The following RAB38 variants were observed in gnomAD, a reference collection of about 807,000 sequenced individuals.
The protein encoded by RAB38 is ras-related protein Rab-38.
Under a neutral mutation model 18.4 loss-of-function variants are expected in RAB38, and 15 were observed. The observed-to-expected ratio is 0.82, with a 90% CI of 0.55 to 1.26. The LOEUF (loss-of-function observed/expected upper bound fraction) is 1.26. RAB38 is among the 50% of genes most tolerant of loss of function. The pLI, the probability that RAB38 is intolerant of heterozygous loss-of-function variation, is 0.00. For missense variants in RAB38, 294 were observed against 267.4 expected, an observed-to-expected ratio of 1.10 and a Z score of -0.69; for synonymous variants, 101 against 104.4, an observed-to-expected ratio of 0.97 and a Z score of 0.20.
the RAB38 span, among the ~76,000 whole-genome samples, chr11:87,819,658 G>T: frequency 6.8e-6 from 1 of 146,954 alleles, no homozygotes; most frequent in African/African-American, 2.5e-5. Flanking sequence ...AGGATCTCTT[G>T]GATATATATA....
chr11:87,871,609 G>A, the RAB38 span, among the ~76,000 whole-genome samples: 2 of 151,418 alleles, frequency 1.3e-5, no homozygotes, highest in Non-Finnish European at 3.0e-5. Flanking sequence ...TAAGTATGTA[G>A]ATAAATGATT....
intron 2 of RAB38, chr11:88,115,516 T>C (rs1942538438): frequency 6.6e-6 from 1 of 152,256 alleles, no homozygotes; most frequent in Non-Finnish European, 1.5e-5. Flanking sequence ...TCACCAGCTA[T>C]GAAAGCTTAA....
At chr11:88,104,653 CTAAA>C in the RAB38 span, among the ~76,000 whole-genome samples, 1 of 152,180 alleles carries the variant, frequency 6.6e-6, no homozygotes, top group Admixed American at 6.5e-5. Context: ...AAAGTGGGCA[CTAAA>C]TAAACAGTAT....
At chr11:88,162,514 C>T (rs543546859) in intron 1 of RAB38, among the ~76,000 whole-genome samples, 1 of 152,220 alleles carries the variant, frequency 6.6e-6, no homozygotes, top group African/African-American at 2.4e-5. Flanking sequence ...CATGTCTGGT[C>T]TGTTGCATTC....
At chr11:87,875,240 C>T in the RAB38 span, among the ~76,000 whole-genome samples, 1 of 151,252 alleles carries the variant, frequency 6.6e-6, no homozygotes, top group Non-Finnish European at 1.5e-5. Flanking sequence ...AATCATTCCA[C>T]ATTATATACA....
the RAB38 span, among the ~76,000 whole-genome samples, chr11:87,822,099 G>A: frequency 1.3e-5 from 2 of 150,076 alleles, no homozygotes; most frequent in Non-Finnish European, 3.0e-5. Flanking sequence ...TTAAAACAGG[G>A]ACTAAAATAA....
the RAB38 span, among the ~76,000 whole-genome samples, chr11:88,035,568 G>A: frequency 6.6e-6 from 1 of 152,184 alleles, no homozygotes; most frequent in African/African-American, 2.4e-5. Flanking sequence ...CAAACTTGGA[G>A]TCCAATATTC....
chr11:88,126,418 G>A (rs960300475), intron 2 of RAB38, among the ~76,000 whole-genome samples: 1 of 152,142 alleles, frequency 6.6e-6, no homozygotes, highest in African/African-American at 2.4e-5. Flanking sequence ...GATGAAGCTG[G>A]AAACCATCCT....
the RAB38 span, among the ~76,000 whole-genome samples, chr11:87,806,035 C>T: frequency 2.0e-5 from 3 of 152,044 alleles, no homozygotes; most frequent in Non-Finnish European, 4.4e-5. Flanking sequence ...TGAAGTTTGA[C>T]CAAAAACTGG....
In RAB38 at chr11:88,134,924, C is replaced by T. The variant is rs557856444; in HGVS notation, c.483+14751G>A. Among the ~76,000 whole-genome samples, 3 of 152,284 alleles carry T rather than the reference C, an allele frequency of 2.0e-5. No individual in the cohort carries two copies. The East Asian group carries it at 5.8e-4, about 29-fold the overall frequency. ...ATCACCTCTCTGACCTCACCTCTAT[C>T]ACTCTGCTATTGCTCACTCTGCTCC... On this transcript the variant is annotated intron_variant, in intron 2 of 2. Coordinates refer to ENST00000243662, the MANE Select transcript of RAB38 (RefSeq NM_022337.3).
In RAB38 at chr11:88,164,260, G is replaced by GA. The variant is rs1555012963; in HGVS notation, c.202+10922_202+10923insT. ...AAATATATGCCAAGGTGCTCTCGGT[G>GA]GGGGGGGGTGCCATGGTGAACTCAC... On this transcript the variant is annotated intron_variant, in intron 1 of 2. Transcript: ENST00000243662. Among the ~76,000 whole-genome samples the GA allele has an allele frequency of 2.3e-5, 3 of 128,714 alleles. No homozygotes were observed. The East Asian group carries it at 7.1e-4, about 30-fold the overall frequency. The allele number at this position is 128,714 out of a possible 152,430, so 84.4% of individuals were successfully genotyped here. A position where few individuals can be genotyped will look rare whatever the true frequency, so the allele number is the denominator to read the frequency against.
the RAB38 span, among the ~76,000 whole-genome samples, chr11:87,956,629 CATG>C: frequency 1.3e-5 from 2 of 152,148 alleles, no homozygotes; most frequent in African/African-American, 4.8e-5. Context: ...GAGCTCAGAA[CATG>C]ATATGTGAAA....
intron 1 of RAB38, among the ~76,000 whole-genome samples, chr11:88,153,987 T>C (rs1943094934): frequency 6.6e-6 from 1 of 152,118 alleles, no homozygotes; most frequent in African/African-American, 2.4e-5. Context: ...GGAGGGAACA[T>C]GGGCAAACAG....
rs182236125 is a variant in RAB38 at position 88,124,591 on chromosome 11, C to A, written c.484-10451G>T. On this transcript the variant is annotated intron_variant, in intron 2 of 2. Transcript: ENST00000243662. ...CAAAATTCTGGCCTCAACCATAGAA[C>A]CTGTCGACCCAACCCTCACAAATTC... 4.6e-5 allele frequency among the ~76,000 whole-genome samples: 7 copies of A among 152,278 alleles called. No individual in the cohort carries two copies. The East Asian group carries it at 1.4e-3, about 29-fold the overall frequency.
At chr11:88,074,499 G>A in the RAB38 span, among the ~76,000 whole-genome samples, 1 of 152,024 alleles carries the variant, frequency 6.6e-6, no homozygotes, top group African/African-American at 2.4e-5. Context: ...TGCTATAACT[G>A]TAAGATCCTT....
At chr11:87,806,805 A>T in the RAB38 span, among the ~76,000 whole-genome samples, 1 of 152,244 alleles carries the variant, frequency 6.6e-6, no homozygotes, top group Non-Finnish European at 1.5e-5. Context: ...AGAGAAAACA[A>T]GTGAGTGAAG....
At chr11:88,152,486 TAAG>T (rs1158739045) in intron 1 of RAB38, among the ~76,000 whole-genome samples, 1 of 152,170 alleles carries the variant, frequency 6.6e-6, no homozygotes, top group Non-Finnish European at 1.5e-5. Context: ...AGATCAGAAA[TAAG>T]AAGACAGCTT....
chr11:87,876,501 G>T, the RAB38 span, among the ~76,000 whole-genome samples: 1 of 151,538 alleles, frequency 6.6e-6, no homozygotes, highest in South Asian at 2.1e-4. Flanking sequence ...AGCTTTGAAA[G>T]AGTAACAAAT....
the RAB38 span, among the ~76,000 whole-genome samples, chr11:87,877,036 T>C: frequency 6.6e-6 from 1 of 151,602 alleles, no homozygotes; most frequent in Non-Finnish European, 1.5e-5. Context: ...ACAGTAAATA[T>C]CATGAGAATA....
Sources: gnomAD v4.1 joint callset for allele counts (sites outside exome capture counted in the v4.1 genomes callset) on GRCh38, gnomAD v4.1.1 for gene constraint, MANE v1.5 for transcripts, NCBI Gene and HGNC (gene_info 2026-07-23, HGNC 2026-07-21) for gene names.